The following CSMD3 variants were observed in gnomAD, a reference collection of about 807,000 sequenced individuals.
CSMD3 encodes the protein CUB and Sushi multiple domains 3.
A neutral mutation model predicts 435.2 loss-of-function variants in CSMD3; 177 were observed. The observed-to-expected ratio is 0.41, with a 90% CI of 0.36 to 0.46. CSMD3 has a LOEUF of 0.46. Among genes scored for constraint, CSMD3 ranks in the 20% least tolerant of loss-of-function variants. The pLI is 0.34. For synonymous variants in CSMD3, 1,656 were observed against 1,520.5 expected, an observed-to-expected ratio of 1.09 and a Z score of -2.07; for missense variants, 4,265 against 4,504.6, an observed-to-expected ratio of 0.95 and a Z score of 1.52.
chr8:113,215,159 T>A (rs1007757001), intron 3 of CSMD3, among the ~76,000 whole-genome samples: 1 of 151,848 alleles, frequency 6.6e-6, no homozygotes, highest in African/African-American at 2.4e-5. Flanking sequence ...TACTGATATA[T>A]TTGCTTTGCT....
At chr8:112,289,566 AT>A (rs767401878) in intron 56 of CSMD3, 28 bp from the exon 57 acceptor site, 26 of 1,458,050 alleles carry the variant, frequency 1.8e-5, no homozygotes, top group East Asian at 1.5e-4. Flanking sequence ...TAAATATAAA[AT>A]TTTTTTATAT....
chr8:113,406,312 G>A lies in CSMD3; in HGVS notation c.178+30365C>T, dbSNP rs530548249. 5.3e-5 allele frequency among the ~76,000 whole-genome samples: 8 copies of A among 151,934 alleles called. No individual in the cohort carries two copies. In the East Asian group the frequency reaches 1.4e-3, roughly 26 times the overall value. The stretch of plus-strand genomic sequence containing the variant: ...GATAAGGGCTGTGATAGATTTGGGG[G>A]AACCATGAGAGGTAACACTAATTTT... On this transcript the variant is annotated intron_variant, in intron 1 of 70. Coordinates refer to ENST00000297405, the MANE Select transcript of CSMD3 (RefSeq NM_198123.2).
intron 38 of CSMD3, among the ~76,000 whole-genome samples, chr8:112,377,351 A>G (rs369493922): frequency 6.6e-5 from 10 of 152,162 alleles, no homozygotes; most frequent in African/African-American, 2.4e-4. Context: ...AGATTGAATC[A>G]GTTAACAAAA....
chr8:112,384,989 T>C (rs2131262738), intron 36 of CSMD3, among the ~76,000 whole-genome samples: 1 of 152,280 alleles, frequency 6.6e-6, no homozygotes, highest in Non-Finnish European at 1.5e-5. Context: ...CTGAAGGAAA[T>C]TATTGAGTGT....
chr8:112,439,937 G>C (rs1357349228), intron 32 of CSMD3, among the ~76,000 whole-genome samples: 2 of 151,900 alleles, frequency 1.3e-5, no homozygotes, highest in Non-Finnish European at 2.9e-5. Context: ...CACAAAGCCA[G>C]ACCATATCAT....
intron 32 of CSMD3, among the ~76,000 whole-genome samples, chr8:112,438,438 G>T (rs1298899923): frequency 2.6e-5 from 4 of 152,102 alleles, no homozygotes; most frequent in Admixed American, 2.6e-4. Context: ...TAATCTCATT[G>T]ATGTCTCATA....
At chr8:113,082,192 G>A (rs1401796838) in intron 5 of CSMD3, among the ~76,000 whole-genome samples, 3 of 150,238 alleles carry the variant, frequency 2.0e-5, no homozygotes, top group Non-Finnish European at 4.4e-5. Flanking sequence ...CAGCAATGGG[G>A]CAGCTGTGCC....
chr8:112,237,208 T>C lies in CSMD3; in HGVS notation c.10609A>G (p.Met3537Val). 2 of 1,613,608 alleles carry C rather than the reference T, an allele frequency of 1.2e-6. No homozygotes were observed. The highest frequency in any genetic ancestry group is 1.7e-6 in the Non-Finnish European group (2 of 1,179,622). ...GCGATACCTGAAAGTAGCAGCTCCA[T>C]GTTGCTATTGCTCAGTGTTGCGTTA... Reference protein sequence around the residue: ...RVNATLSNSNMELLLSGVYKS... With the variant: ...RVNATLSNSNVELLLSGVYKS... The change falls in exon 67 of 71, where the codon ATG becomes GTG. Residue 3537 changes from methionine (M) to valine (V), a missense_variant. Met to Val is a conservative substitution (Grantham distance 21). Coordinates refer to ENST00000297405, the MANE Select transcript of CSMD3 (RefSeq NM_198123.2).
chr8:112,796,324 T>A (rs764364065), intron 13 of CSMD3, among the ~76,000 whole-genome samples: 7 of 152,248 alleles, frequency 4.6e-5, no homozygotes, highest in Non-Finnish European at 1.0e-4. Flanking sequence ...TTTCTGTATG[T>A]TAGGCATCAG....
chr8:113,338,410 A>G (rs1192565898), intron 1 of CSMD3, among the ~76,000 whole-genome samples: 1 of 151,962 alleles, frequency 6.6e-6, no homozygotes, highest in Non-Finnish European at 1.5e-5. Context: ...AATAAAACAG[A>G]TATCCATACT....
chr8:112,980,197 GTTGT>G (rs1249441886), intron 6 of CSMD3, among the ~76,000 whole-genome samples: 1 of 150,502 alleles, frequency 6.6e-6, no homozygotes. Context: ...AAAATTTTAT[GTTGT>G]TTCTTTGTAA....
chr8:112,233,309 A>T (rs952047946), intron 68 of CSMD3, among the ~76,000 whole-genome samples: 3 of 152,182 alleles, frequency 2.0e-5, no homozygotes, highest in Non-Finnish European at 4.4e-5. Flanking sequence ...CTGACATTTC[A>T]CAACAACTGA....
At chr8:112,363,660 C>G (rs1436511765) in intron 38 of CSMD3, among the ~76,000 whole-genome samples, 1 of 151,912 alleles carries the variant, frequency 6.6e-6, no homozygotes, top group Non-Finnish European at 1.5e-5. Context: ...CTAAAACTAT[C>G]TCTACGTCAT....
rs779721316 is a variant in CSMD3, at chr8:112,682,563, T to A, written c.2556A>T (p.Leu852Phe). ...NARRFGDNFQ[L>F]GSSISVICEE... is the part of the protein sequence containing the mutation. ...CACAAATAACTGAAATTGAACTTCC[T>A]AATTGAAAGTTGTCCCCAAACCGCC... Residue 852 changes from leucine (L) to phenylalanine (F), a missense_variant, in exon 16 of 71, where the codon TTA becomes TTT. Coordinates refer to ENST00000297405, the MANE Select transcript of CSMD3 (RefSeq NM_198123.2). 2 of 1,613,334 alleles carry A rather than the reference T, an allele frequency of 1.2e-6. No homozygotes were observed. Among genetic ancestry groups the A allele is most frequent in the South Asian group, 2.2e-5 (2 of 91,072 alleles).
rs1256836842 is a variant in CSMD3, at chr8:112,636,911, T to C, written c.3621A>G (p.Ser1207=). 1 of 1,613,042 alleles carries C rather than the reference T, an allele frequency of 6.2e-7. No individual in the cohort carries two copies. The highest frequency in any genetic ancestry group is 1.7e-5 in the Admixed American group (1 of 59,850). Residue 1207 remains serine, a synonymous_variant, in exon 22 of 71, where the codon TCA becomes TCG. Transcript: ENST00000297405. ...CTTCCAGTCGATAACCCGAAGAGCA[T>C]GAGAAGGTCAGAGTGTCACCAATCC... is the stretch of plus-strand genomic sequence containing the variant. ...NFGIGDTLTF[S]CSSGYRLEGT...
intron 4 of CSMD3, among the ~76,000 whole-genome samples, chr8:113,156,035 T>G (rs941606816): frequency 6.6e-6 from 1 of 152,040 alleles, no homozygotes; most frequent in Non-Finnish European, 1.5e-5. Context: ...TGCTCAATTT[T>G]TTTTTCTTTT....
chr8:112,329,813 G>C (rs1823866340), intron 45 of CSMD3, among the ~76,000 whole-genome samples: 2 of 152,100 alleles, frequency 1.3e-5, no homozygotes, highest in Admixed American at 6.6e-5. Flanking sequence ...TAATAATTAA[G>C]TAGTCATTTA....
At chr8:112,762,751 C>T (rs899650187) in intron 13 of CSMD3, among the ~76,000 whole-genome samples, 2 of 151,778 alleles carry the variant, frequency 1.3e-5, no homozygotes, top group African/African-American at 4.8e-5. Flanking sequence ...AGGAAGAAAG[C>T]ATATAATAGG....
At chr8:112,446,155 A>G (rs779357157) in intron 32 of CSMD3, among the ~76,000 whole-genome samples, 5 of 152,218 alleles carry the variant, frequency 3.3e-5, no homozygotes, top group Non-Finnish European at 7.3e-5. Context: ...AAAATTCTGT[A>G]GTCTAGAAAC....
Sources: allele counts gnomAD v4.1 joint callset (sites outside exome capture counted in the v4.1 genomes callset), GRCh38; gene constraint gnomAD v4.1.1; transcripts MANE v1.5; gene names NCBI Gene and HGNC (gene_info 2026-07-23, HGNC 2026-07-21).